The following LAMA2 variants were observed in gnomAD, a reference collection of about 807,000 sequenced individuals.
The protein encoded by LAMA2 is laminin subunit alpha 2, also known as laminin subunit alpha-2.
A neutral mutation model predicts 364.8 loss-of-function variants in LAMA2; 269 were observed. The observed-to-expected ratio is 0.74, with a 90% CI of 0.67 to 0.82. The LOEUF is 0.82. LAMA2 is among the 40% of genes least tolerant of loss of function. The probability of loss-of-function intolerance (pLI) is 0.00; values close to 1 mark genes in which losing one functional copy is unlikely to be tolerated. For synonymous variants in LAMA2, 1,379 were observed against 1,370.6 expected, an observed-to-expected ratio of 1.01 and a Z score of -0.14; for missense variants, 3,807 against 3,873.2, an observed-to-expected ratio of 0.98 and a Z score of 0.45.
chr6:129,260,596 T>C (rs1787049120), intron 14 of LAMA2, 115 bp from the exon 15 acceptor site: 1 of 769,632 alleles, frequency 1.3e-6, no homozygotes, highest in African/African-American at 1.7e-5. Context: ...ATCAGCTTCC[T>C]TTCTCAGCAT....
intron 42 of LAMA2, 32 bp downstream of exon 42, chr6:129,438,794 GT>G: frequency 5.5e-6 from 6 of 1,091,352 alleles, no homozygotes; most frequent in Non-Finnish European, 8.5e-6. Context: ...AACTGTGTCA[GT>G]TGACCTGAAG....
At position 129,200,446 on chromosome 6, in the gene LAMA2, ATG is replaced by A. The variant is rs1426311379; in HGVS notation, c.1782+7595_1782+7596del. Among the ~76,000 whole-genome samples the A allele has an allele frequency of 2.7e-5, 4 of 150,244 alleles. No homozygotes were observed. In the East Asian group the frequency reaches 8.0e-4, roughly 30 times the overall value. ...TGTATATGTGTACACATATACATATATGTATATATATACATGTACACATATAC... is the reference window on the plus strand; with the variant it reads ...TGTATATGTGTACACATATACATATATATATATATACATGTACACATATAC... On this transcript the variant is annotated intron_variant, in intron 12 of 64. Transcript: ENST00000421865.
intron 7 of LAMA2, among the ~76,000 whole-genome samples, chr6:129,152,090 G>A (rs912185223): frequency 3.3e-5 from 5 of 152,094 alleles, no homozygotes; most frequent in Non-Finnish European, 5.9e-5. Flanking sequence ...TATATTAAGA[G>A]ATCTTACATA....
At chr6:129,503,966 T>C (rs1028129314) in intron 60 of LAMA2, among the ~76,000 whole-genome samples, 3 of 152,250 alleles carry the variant, frequency 2.0e-5, no homozygotes, top group African/African-American at 7.2e-5. Flanking sequence ...TGCAAATAGA[T>C]AATATACTGC....
In LAMA2 at chr6:129,267,220, G is replaced by T; in HGVS notation, c.2322+1G>T. ...TGATGACGTCACTGGAGAATGCCTG[G>T]TAAGTGCTCTCTTCTTTGGGGATGC... On this transcript the variant is annotated splice_donor_variant, in intron 16 of 64. Coordinates refer to ENST00000421865, the MANE Select transcript of LAMA2 (RefSeq NM_000426.4). LOFTEE classifies it high-confidence loss of function. 1 of 1,585,782 alleles carries T rather than the reference G, an allele frequency of 6.3e-7. No homozygotes were observed. The highest frequency in any genetic ancestry group is 8.7e-7 in the Non-Finnish European group (1 of 1,154,304).
chr6:129,373,899 G>A (rs1353478575), intron 34 of LAMA2, among the ~76,000 whole-genome samples: 7 of 152,104 alleles, frequency 4.6e-5, no homozygotes, highest in South Asian at 2.1e-4. Context: ...CATAGTGTTT[G>A]CCAGATTTTT....
At chr6:129,013,172 A>G (rs1396079967) in intron 1 of LAMA2, among the ~76,000 whole-genome samples, 1 of 152,204 alleles carries the variant, frequency 6.6e-6, no homozygotes, top group African/African-American at 2.4e-5. Flanking sequence ...GTGGTGGCTC[A>G]CGCCTGTAAT....
intron 12 of LAMA2, among the ~76,000 whole-genome samples, chr6:129,234,647 C>A (rs1165052444): frequency 1.3e-5 from 2 of 152,028 alleles, no homozygotes; most frequent in African/African-American, 4.8e-5. Context: ...TAAATAGCTG[C>A]AAAATCAAAA....
chr6:129,404,931 T>A (rs1010613338), intron 40 of LAMA2, among the ~76,000 whole-genome samples: 1 of 152,106 alleles, frequency 6.6e-6, no homozygotes, highest in African/African-American at 2.4e-5. Context: ...TGAAACATCA[T>A]ATTCTATGAG....
At chr6:128,983,667 C>T (rs1396779354) in intron 1 of LAMA2, among the ~76,000 whole-genome samples, 1 of 152,178 alleles carries the variant, frequency 6.6e-6, no homozygotes, top group Non-Finnish European at 1.5e-5. Flanking sequence ...TAGAAATGTA[C>T]TGATGGTCCC....
At chr6:129,472,856 G>A (rs1407811722) in intron 51 of LAMA2, among the ~76,000 whole-genome samples, 1 of 152,014 alleles carries the variant, frequency 6.6e-6, no homozygotes, top group East Asian at 1.9e-4. Context: ...TTCCTAATTA[G>A]ATATCTTTGT....
intron 58 of LAMA2, among the ~76,000 whole-genome samples, chr6:129,494,384 G>T (rs1423557632): frequency 6.6e-6 from 1 of 152,190 alleles, no homozygotes; most frequent in Admixed American, 6.5e-5. Context: ...TTGTAAAATA[G>T]AGATATTTCA....
chr6:129,050,578 G>A (rs1313288885), intron 2 of LAMA2, among the ~76,000 whole-genome samples: 1 of 152,116 alleles, frequency 6.6e-6, no homozygotes, highest in African/African-American at 2.4e-5. Context: ...CAGAAGGAGC[G>A]ATATCCAAGC....
chr6:129,237,941 T>C (rs888089557), intron 12 of LAMA2, among the ~76,000 whole-genome samples: 1 of 149,576 alleles, frequency 6.7e-6, no homozygotes, highest in African/African-American at 2.5e-5. Context: ...GGCGAATCCC[T>C]GAGGCCATGA....
chr6:129,413,839 G>A (rs1052641660), intron 40 of LAMA2, among the ~76,000 whole-genome samples: 1 of 152,038 alleles, frequency 6.6e-6, no homozygotes, highest in Non-Finnish European at 1.5e-5. Flanking sequence ...ATTATCTAAG[G>A]TTTCTGCTCA....
intron 43 of LAMA2, among the ~76,000 whole-genome samples, chr6:129,441,679 T>C (rs1346730607): frequency 6.6e-6 from 1 of 152,144 alleles, no homozygotes; most frequent in African/African-American, 2.4e-5. Flanking sequence ...TTCCGTCAAA[T>C]GATACAAGGC....
chr6:129,143,875 G>A lies in LAMA2; in HGVS notation c.640-26G>A, dbSNP rs7754560. 309,732 of 1,502,734 alleles carry A rather than the reference G, an allele frequency of 0.21. 33,958 individuals carry two copies. The highest frequency in any genetic ancestry group is 0.39 in the African/African-American group (27,763 of 71,532). The allele number at this position is 1,502,734 out of a possible 1,614,324, so 93.1% of individuals were successfully genotyped here. ...TATTTAAATTTTGGAAAACATAATT[G>A]TTAAATTATTTTTCATATTGTGTAG... is the stretch of plus-strand genomic sequence containing the variant. On this transcript the variant is annotated intron_variant, in intron 4 of 64. Coordinates refer to ENST00000421865, the MANE Select transcript of LAMA2 (RefSeq NM_000426.4).
chr6:129,083,168 A>C (rs1774173672), intron 3 of LAMA2, among the ~76,000 whole-genome samples: 1 of 152,162 alleles, frequency 6.6e-6, no homozygotes, highest in African/African-American at 2.4e-5. Context: ...AAACTTTATA[A>C]AGTTTTACAT....
intron 1 of LAMA2, among the ~76,000 whole-genome samples, chr6:129,037,026 C>T (rs1786686472): frequency 6.6e-6 from 1 of 152,218 alleles, no homozygotes; most frequent in South Asian, 2.1e-4. Context: ...CTCTGACACA[C>T]CCACATAGCT....
Sources: allele counts gnomAD v4.1 joint callset (sites outside exome capture counted in the v4.1 genomes callset), GRCh38; gene constraint gnomAD v4.1.1; transcripts MANE v1.5; gene names NCBI Gene and HGNC (gene_info 2026-07-23, HGNC 2026-07-21).